ZNF177: variants seen among roughly 807,000 people sequenced by gnomAD.
ZNF177 encodes zinc finger protein 177.
Under a neutral mutation model 19.4 loss-of-function variants are expected in ZNF177, and 17 were observed. The ratio of observed to expected loss-of-function variants is 0.87; its 90% CI spans 0.60 to 1.31. The LOEUF (loss-of-function observed/expected upper bound fraction) is 1.31. Among genes scored for constraint, ZNF177 ranks in the 40% most tolerant of loss-of-function variants. ZNF177 has a pLI of 0.00. For synonymous variants in ZNF177, 220 were observed against 188.7 expected (o/e 1.17, Z -1.36); for missense variants, 633 against 561.8 (o/e 1.13, Z -1.28).
exon 6 of ZNF177, chr19:9,382,129 G>T: frequency 2.5e-6 from 1 of 400,268 alleles, no homozygotes; most frequent in Non-Finnish European, 4.4e-6. Context: ...AGAACTAGTT[G>T]CTGTCTCAAT....
rs1379672554 is a variant in ZNF177, at chr19:9,379,182, G to A, written c.160+94G>A. 3 of 1,463,112 alleles carry A rather than the reference G, an allele frequency of 2.1e-6. No homozygotes were observed. The African/African-American group carries it at 4.2e-5, about 21-fold the overall frequency. The allele number at this position is 1,463,112 out of a possible 1,614,324, so 90.6% of individuals were successfully genotyped here. A position where few individuals can be genotyped will look rare whatever the true frequency, so the allele number is the denominator to read the frequency against. Reference sequence around the variant, plus strand: ...AATCTGTGGAAAGAATAGCAATACAGTGGTTAACCCCAAAATGAATGGTCC... The same window carrying A: ...AATCTGTGGAAAGAATAGCAATACAATGGTTAACCCCAAAATGAATGGTCC... On this transcript the variant is annotated intron_variant, in intron 3 of 5. Transcript: ENST00000589262.
intron 2 of ZNF177, among the ~76,000 whole-genome samples, chr19:9,367,537 T>C (rs1269768365): frequency 6.6e-6 from 1 of 152,228 alleles, no homozygotes; most frequent in East Asian, 1.9e-4. Flanking sequence ...CTTAATTCTG[T>C]TGTACTATAT....
upstream of ZNF177, among the ~76,000 whole-genome samples, chr19:9,373,831 T>C (rs935203690): frequency 7.2e-5 from 11 of 152,318 alleles, no homozygotes; most frequent in Admixed American, 7.2e-4. Flanking sequence ...TTTTAAATAT[T>C]GTGCAGATTC....
rs2068188877 is a variant in ZNF177 at position 9,380,970 on chromosome 19, CA to C, written c.640del (p.Ser214AlafsTer90). The C allele has an allele frequency of 6.5e-7, 1 of 1,543,162 alleles. No homozygotes were observed. ...AGTATGAGCAATGTGATATGTCCTT[CA>C]GCCTACACTCTTCCTGCTCAGTACG... On this transcript the variant is annotated frameshift_variant, in exon 6 of 6. Coordinates refer to ENST00000589262, the Ensembl canonical transcript of ZNF177. LOFTEE classifies it low-confidence loss of function (END_TRUNC).
At chr19:9,371,250 A>G (rs1427924357) in intron 2 of ZNF177, among the ~76,000 whole-genome samples, 1 of 152,158 alleles carries the variant, frequency 6.6e-6, no homozygotes, top group African/African-American at 2.4e-5. Context: ...GGTTTGTTCA[A>G]ATGAGAATCT....
At chr19:9,363,514 C>A (rs570563209) in intron 1 of ZNF177, among the ~76,000 whole-genome samples, 20 of 152,288 alleles carry the variant, frequency 1.3e-4, no homozygotes, top group African/African-American at 4.8e-4. Context: ...CACCCTAGTG[C>A]CTGATACACA....
chr19:9,378,663 A>G (rs2068145587), intron 2 of ZNF177: 1 of 548,616 alleles, frequency 1.8e-6, no homozygotes, highest in African/African-American at 1.9e-5. Flanking sequence ...CCCTGTCTAT[A>G]CTGGATCTGA....
intron 2 of ZNF177, among the ~76,000 whole-genome samples, chr19:9,365,791 G>A (rs113633052): frequency 3.3e-5 from 5 of 152,256 alleles, no homozygotes; most frequent in African/African-American, 9.6e-5. Flanking sequence ...GAAGTGTGGC[G>A]CCAAGATTGA....
chr19:9,372,512 CTTCCT>C (rs1023799896), upstream of ZNF177, among the ~76,000 whole-genome samples: 6 of 138,726 alleles, frequency 4.3e-5, no homozygotes, highest in African/African-American at 1.3e-4. Flanking sequence ...CTCTCCCTTG[CTTCCT>C]TTCATCATTG....
chr19:9,369,598 TGATA>T (rs1439446585), intron 2 of ZNF177, among the ~76,000 whole-genome samples: 1 of 152,192 alleles, frequency 6.6e-6, no homozygotes, highest in African/African-American at 2.4e-5. Flanking sequence ...TTACTGTTAT[TGATA>T]CAGTCAGACA....
At chr19:9,372,191 A>G (rs572130021), upstream of ZNF177, among the ~76,000 whole-genome samples, 29 of 152,310 alleles carry the variant, frequency 1.9e-4, no homozygotes, top group African/African-American at 5.8e-4. Context: ...CTTGGGGACA[A>G]TGCCACTTAG....
At chr19:9,381,156 C>T (rs924126952) in exon 6 of ZNF177, 10 of 1,614,046 alleles carry the variant, frequency 6.2e-6, no homozygotes, top group Non-Finnish European at 8.5e-6. Flanking sequence ...AGAACTGTGT[C>T]AGAACTCACT....
At chr19:9,369,767 C>A (rs1315520748) in intron 2 of ZNF177, among the ~76,000 whole-genome samples, 8 of 151,998 alleles carry the variant, frequency 5.3e-5, no homozygotes, top group South Asian at 4.1e-4. Context: ...TATGTCCATC[C>A]TTTGAATTGT....
chr19:9,379,990 TC>T, intron 4 of ZNF177, 66 bp from the exon 7 acceptor site: 1 of 1,550,288 alleles, frequency 6.5e-7, no homozygotes, highest in Non-Finnish European at 8.7e-7. Context: ...CCATAGGGTC[TC>T]CCTCCCTTTT....
intron 2 of ZNF177, among the ~76,000 whole-genome samples, chr19:9,365,681 C>T (rs917846049): frequency 3.9e-5 from 6 of 152,072 alleles, no homozygotes; most frequent in Non-Finnish European, 7.4e-5. Context: ...ACTGTCTTCC[C>T]GAGTCCATGA....
intron 1 of ZNF177, among the ~76,000 whole-genome samples, chr19:9,363,967 T>G (rs1305020172): frequency 6.6e-6 from 1 of 152,216 alleles, no homozygotes; most frequent in Non-Finnish European, 1.5e-5. Flanking sequence ...TTTGATAGAT[T>G]AAAGACATTC....
At chr19:9,378,638 C>G (rs960062647) in intron 2 of ZNF177, 1 of 573,432 alleles carries the variant, frequency 1.7e-6, no homozygotes, top group Non-Finnish European at 3.0e-6. Flanking sequence ...GTATTTCTTG[C>G]ATTCCTACAG....
chr19:9,376,934 A>C (rs756233672), intron 1 of ZNF177, among the ~76,000 whole-genome samples: 1 of 152,068 alleles, frequency 6.6e-6, no homozygotes, highest in Non-Finnish European at 1.5e-5. Flanking sequence ...AGAATTTACT[A>C]TTTCCTATAA....
chr19:9,381,769 C>A (rs755983136), exon 6 of ZNF177: 2 of 1,595,430 alleles, frequency 1.3e-6, no homozygotes, highest in East Asian at 4.5e-5. Flanking sequence ...CCAGAAACTC[C>A]ATGAATGAAA....
Sources: gnomAD v4.1 joint callset for allele counts (sites outside exome capture counted in the v4.1 genomes callset) on GRCh38, gnomAD v4.1.1 for gene constraint, MANE v1.5 for transcripts, NCBI Gene and HGNC (gene_info 2026-07-23, HGNC 2026-07-21) for gene names.